Variants in MIA2 observed in about 807,000 individuals in gnomAD.
MIA2 encodes the protein melanoma inhibitory activity protein 2.
MIA2 carries 127 observed loss-of-function variants against 167.8 expected under a neutral mutation model. The ratio of observed to expected loss-of-function variants is 0.76; its 90% confidence interval spans 0.66 to 0.88. The LOEUF (loss-of-function observed/expected upper bound fraction) is 0.88. MIA2 is among the 40% of genes least tolerant of loss of function. The pLI is 0.00. For missense variants in MIA2, 1,690 were observed against 1,624.7 expected, an observed-to-expected ratio of 1.04 and a Z score of -0.69; for synonymous variants, 552 against 541.9, an observed-to-expected ratio of 1.02 and a Z score of -0.26.
At chr14:39,283,044 C>T (rs542932449) in intron 9 of MIA2, among the ~76,000 whole-genome samples, 8 of 152,220 alleles carry the variant, frequency 5.3e-5, no homozygotes, top group East Asian at 1.9e-4. Context: ...CTTCTAGGTC[C>T]GTCCATGTTG....
At chr14:39,329,282 T>A (rs1319684751) in intron 25 of MIA2, among the ~76,000 whole-genome samples, 2 of 152,234 alleles carry the variant, frequency 1.3e-5, no homozygotes, top group Non-Finnish European at 2.9e-5. Context: ...TATATAGGAA[T>A]GCTTGTGATT....
At chr14:39,303,561 A>G in intron 16 of MIA2, 37 bp downstream of exon 16, 2 of 1,497,160 alleles carry the variant, frequency 1.3e-6, no homozygotes, top group Non-Finnish European at 1.8e-6. Context: ...AATAAGGAGG[A>G]AGAAAGAGAA....
intron 4 of MIA2, among the ~76,000 whole-genome samples, chr14:39,251,487 A>G (rs1282089389): frequency 2.0e-5 from 3 of 152,024 alleles, no homozygotes; most frequent in African/African-American, 7.2e-5. Context: ...GGGAATATTC[A>G]TTTTTCTTAT....
intron 25 of MIA2, among the ~76,000 whole-genome samples, chr14:39,329,524 C>T (rs549867692): frequency 4.1e-4 from 63 of 152,242 alleles, no homozygotes; most frequent in Non-Finnish European, 5.6e-4. Context: ...AGAGGGCATC[C>T]TTGTCTTGTG....
chr14:39,304,074 C>G (rs1454471123), intron 16 of MIA2, among the ~76,000 whole-genome samples: 1 of 152,070 alleles, frequency 6.6e-6, no homozygotes, highest in Non-Finnish European at 1.5e-5. Context: ...CTACTTTTCC[C>G]TGTCCCTTGT....
chr14:39,294,682 G>T (rs1399790450), intron 12 of MIA2, among the ~76,000 whole-genome samples: 1 of 152,114 alleles, frequency 6.6e-6, no homozygotes, highest in African/African-American at 2.4e-5. Context: ...ATCAAAATTT[G>T]CTGCACAGTA....
intron 3 of MIA2, among the ~76,000 whole-genome samples, chr14:39,242,043 A>T (rs575600081): frequency 6.6e-6 from 1 of 152,348 alleles, no homozygotes; most frequent in East Asian, 1.9e-4. Flanking sequence ...GAGATTAAAC[A>T]TCAGTGCCTC....
intron 25 of MIA2, 81 bp from the exon 26 acceptor site, chr14:39,345,822 AG>A (rs2073113950): frequency 1.7e-6 from 2 of 1,194,268 alleles, no homozygotes; most frequent in Non-Finnish European, 2.4e-6. Context: ...ACAGGTCAAA[AG>A]TGTAAGTTCA....
intron 4 of MIA2, among the ~76,000 whole-genome samples, chr14:39,251,147 T>C (rs1269852364): frequency 6.6e-6 from 1 of 152,190 alleles, no homozygotes; most frequent in African/African-American, 2.4e-5. Flanking sequence ...GATGAATCAC[T>C]GATCTTGAAT....
chr14:39,311,472 T>G (rs2064245079), intron 18 of MIA2, among the ~76,000 whole-genome samples: 1 of 137,182 alleles, frequency 7.3e-6, no homozygotes, highest in East Asian at 2.1e-4. Flanking sequence ...GTTGCTTTTT[T>G]TTTTTTTTTT....
Position 39,321,030 on chromosome 14 carries a change from C to G in MIA2, c.3470C>G (p.Pro1157Arg), listed in dbSNP as rs772174140. ...TTGGAGGGTCCACTCAGACTCTCACCTTTGCTTCCAGGGGGAGGAGGAAGA... is the reference window on the plus strand; with the variant it reads ...TTGGAGGGTCCACTCAGACTCTCACGTTTGCTTCCAGGGGGAGGAGGAAGA... ...TLLEGPLRLS[P>R]LLPGGGGRGS... is the part of the protein sequence containing the mutation. Residue 1157 changes from proline (P) to arginine (R), a missense_variant, in exon 24 of 29, where the codon CCT becomes CGT. Transcript: ENST00000640607. 1 of 1,613,282 alleles carries G rather than the reference C, an allele frequency of 6.2e-7. No individual in the cohort carries two copies. Among genetic ancestry groups the G allele is most frequent in the Admixed American group, 1.7e-5 (1 of 59,814 alleles).
rs146422472 is a variant in MIA2, at chr14:39,252,855, G to A, written c.1675G>A (p.Glu559Lys). The A allele has an allele frequency of 5.9e-5, 96 of 1,613,954 alleles. No homozygotes were observed. Among genetic ancestry groups the A allele is most frequent in the East Asian group, 4.9e-4 (22 of 44,846 alleles). ...AAATTCGAAACCATCAGTAGACACC[G>A]AAGGGCCTGCTCTGGTGGAGATAGA... ...DENSKPSVDT[E>K]GPALVEIDRS... is the part of the protein sequence containing the mutation. Residue 559 changes from glutamate to lysine, a missense_variant, in exon 5 of 29, where the codon GAA becomes AAA. Transcript: ENST00000640607.
chr14:39,371,223 A>T (rs2074938675), intron 23 of MIA2, among the ~76,000 whole-genome samples: 1 of 152,162 alleles, frequency 6.6e-6, no homozygotes, highest in Non-Finnish European at 1.5e-5. Context: ...GTAATATTAA[A>T]TATCTTTATT....
chr14:39,265,481 T>C (rs992706367), intron 6 of MIA2: 1 of 1,363,146 alleles, frequency 7.3e-7, no homozygotes, highest in Non-Finnish European at 1.0e-6. Context: ...TGCACTAAGT[T>C]TGTTAAGCTT....
intron 25 of MIA2, among the ~76,000 whole-genome samples, chr14:39,343,485 A>T (rs1317424844): frequency 6.7e-6 from 1 of 149,450 alleles, no homozygotes. Context: ...ATCGCCCTCA[A>T]CAGAAGCTGT....
intron 9 of MIA2, among the ~76,000 whole-genome samples, chr14:39,290,577 G>A (rs1314626587): frequency 6.6e-6 from 1 of 152,152 alleles, no homozygotes; most frequent in East Asian, 1.9e-4. Flanking sequence ...TTGATGGTCA[G>A]TTGCTATATA....
intron 25 of MIA2, among the ~76,000 whole-genome samples, chr14:39,334,015 A>T (rs2069621179): frequency 6.6e-6 from 1 of 152,216 alleles, no homozygotes; most frequent in Non-Finnish European, 1.5e-5. Flanking sequence ...AATTTTCAGT[A>T]TTGTTCCAAA....
chr14:39,336,612 ATTCT>A (rs1258374301), intron 25 of MIA2, among the ~76,000 whole-genome samples: 1 of 152,240 alleles, frequency 6.6e-6, no homozygotes, highest in Non-Finnish European at 1.5e-5. Flanking sequence ...TTCATCTAAC[ATTCT>A]TATATGTGCT....
At chr14:39,334,575 T>C (rs2069847387) in intron 25 of MIA2, among the ~76,000 whole-genome samples, 1 of 150,202 alleles carries the variant, frequency 6.7e-6, no homozygotes, top group Non-Finnish European at 1.5e-5. Context: ...ACTTAGGCTT[T>C]TTTTTTTTGA....
Sources: gnomAD v4.1 joint callset for allele counts (sites outside exome capture counted in the v4.1 genomes callset) on GRCh38, gnomAD v4.1.1 for gene constraint, MANE v1.5 for transcripts, NCBI Gene and HGNC (gene_info 2026-07-23, HGNC 2026-07-21) for gene names.